The following ELAPOR2 variants were observed in gnomAD, a reference collection of about 807,000 sequenced individuals.
ELAPOR2 encodes endosome-lysosome associated apoptosis and autophagy regulator family member 2, also known as endosome/lysosome-associated apoptosis and autophagy regulator family member 2.
A neutral mutation model predicts 120.7 loss-of-function variants in ELAPOR2; 89 were observed. That is an observed-to-expected ratio of 0.74 (90% CI 0.62 to 0.88). The LOEUF (loss-of-function observed/expected upper bound fraction) is 0.88, where lower values mean the gene tolerates loss of function less well. Among genes scored for constraint, ELAPOR2 ranks in the 40% least tolerant of loss-of-function variants. ELAPOR2 has a pLI of 0.00. For missense variants in ELAPOR2, 1,134 were observed against 1,251.6 expected, an observed-to-expected ratio of 0.91 and a Z score of 1.42; for synonymous variants, 444 against 444.9, an observed-to-expected ratio of 1.00 and a Z score of 0.03.
At chr7:86,965,441 T>C (rs1294032818) in intron 1 of ELAPOR2, among the ~76,000 whole-genome samples, 1 of 152,190 alleles carries the variant, frequency 6.6e-6, no homozygotes, top group African/African-American at 2.4e-5. Flanking sequence ...CTACTTCCAT[T>C]GACCTAATTC....
chr7:87,021,948 T>A (rs1229484024), intron 1 of ELAPOR2, among the ~76,000 whole-genome samples: 1 of 152,198 alleles, frequency 6.6e-6, no homozygotes, highest in African/African-American at 2.4e-5. Flanking sequence ...CAGAGTGTGA[T>A]ATATCTCTAT....
intron 1 of ELAPOR2, among the ~76,000 whole-genome samples, chr7:86,979,643 A>T (rs1394868040): frequency 6.6e-6 from 1 of 152,240 alleles, no homozygotes; most frequent in African/African-American, 2.4e-5. Flanking sequence ...TGTGGAGAGA[A>T]TGCAAGACAG....
chr7:87,058,146 G>T (rs1795318770), intron 1 of ELAPOR2, among the ~76,000 whole-genome samples: 1 of 152,170 alleles, frequency 6.6e-6, no homozygotes, highest in African/African-American at 2.4e-5. Flanking sequence ...ATTTCAGTCT[G>T]TCCTGGGACC....
intron 1 of ELAPOR2, among the ~76,000 whole-genome samples, chr7:87,034,926 T>C (rs553287134): frequency 6.6e-6 from 1 of 152,046 alleles, no homozygotes; most frequent in South Asian, 2.1e-4. Flanking sequence ...CTACTAAAAA[T>C]ACAAAATTAG....
chr7:86,938,043 T>A (rs1385612840), intron 8 of ELAPOR2, 83 bp downstream of exon 8: 1 of 1,016,974 alleles, frequency 9.8e-7, no homozygotes, highest in African/African-American at 1.6e-5. Flanking sequence ...CATAAATATC[T>A]CTCACGAACA....
chr7:86,993,039 C>T (rs1792997631), intron 1 of ELAPOR2, among the ~76,000 whole-genome samples: 1 of 151,680 alleles, frequency 6.6e-6, no homozygotes, highest in South Asian at 2.1e-4. Context: ...AGATCAAGAC[C>T]ATCCTGGTCA....
intron 1 of ELAPOR2, among the ~76,000 whole-genome samples, chr7:87,003,367 G>A (rs1793377444): frequency 6.6e-6 from 1 of 152,076 alleles, no homozygotes; most frequent in Non-Finnish European, 1.5e-5. Flanking sequence ...ATGTTGAATT[G>A]TAATCCCCAG....
intron 1 of ELAPOR2, among the ~76,000 whole-genome samples, chr7:87,036,172 A>T (rs1044695091): frequency 6.6e-6 from 1 of 152,178 alleles, no homozygotes; most frequent in Non-Finnish European, 1.5e-5. Context: ...ATGATATGAC[A>T]ATTCAAATGT....
chr7:86,885,201 C>G (rs917100934), intron 21 of ELAPOR2, among the ~76,000 whole-genome samples: 3 of 152,140 alleles, frequency 2.0e-5, no homozygotes, highest in Non-Finnish European at 4.4e-5. Context: ...AAGATAGATT[C>G]TTTAAACATG....
At chr7:87,046,151 T>C (rs574072498) in intron 1 of ELAPOR2, among the ~76,000 whole-genome samples, 2 of 152,316 alleles carry the variant, frequency 1.3e-5, no homozygotes, top group African/African-American at 4.8e-5. Flanking sequence ...GGCATTTCTA[T>C]ATGTCAACAG....
intron 1 of ELAPOR2, among the ~76,000 whole-genome samples, chr7:87,004,330 G>A (rs1793406790): frequency 6.6e-6 from 1 of 152,172 alleles, no homozygotes; most frequent in East Asian, 1.9e-4. Flanking sequence ...GCAGAGAACA[G>A]GGTTGGCCTC....
chr7:86,912,662 G>C (rs1175808343), intron 14 of ELAPOR2, among the ~76,000 whole-genome samples: 1 of 152,110 alleles, frequency 6.6e-6, no homozygotes, highest in Non-Finnish European at 1.5e-5. Flanking sequence ...TTTATTTGCT[G>C]TACCTAAACA....
Position 86,947,770 on chromosome 7 carries a change from T to C in ELAPOR2, c.463A>G (p.Thr155Ala). 1.3e-6 allele frequency: 2 copies of C among 1,551,736 alleles called. No individual in the cohort carries two copies. Among genetic ancestry groups the C allele is most frequent in the Non-Finnish European group, 1.7e-6 (2 of 1,146,984 alleles). Residue 155 changes from threonine to alanine, a missense_variant, in exon 3 of 22, where the codon ACT becomes GCT. This residue lies in a region of ELAPOR2 where 280 missense variants were observed against 331.5 expected (regional missense o/e 0.84). Coordinates refer to ENST00000450689, the MANE Select transcript of ELAPOR2 (RefSeq NM_001142749.3). ...GFSNIATFMD[T>A]VVGPSDSRPD... is the part of the protein sequence containing the mutation. The stretch of plus-strand genomic sequence containing the variant: ...CTGCTGTCAGAAGGGCCCACCACAG[T>C]GTCCATGAATGTTGCGATGTTAGAA...
intron 10 of ELAPOR2, among the ~76,000 whole-genome samples, chr7:86,924,340 T>C (rs1045954057): frequency 6.6e-6 from 1 of 150,902 alleles, no homozygotes; most frequent in Non-Finnish European, 1.5e-5. Context: ...TAAGATCCAA[T>C]TAAAGTTTCA....
intron 1 of ELAPOR2, among the ~76,000 whole-genome samples, chr7:87,051,235 C>G (rs2129017776): frequency 6.6e-6 from 1 of 151,618 alleles, no homozygotes; most frequent in Non-Finnish European, 1.5e-5. Context: ...CTGGCAAAAA[C>G]TGAGAGAGAT....
At chr7:87,010,916 A>C (rs1793634282) in intron 1 of ELAPOR2, among the ~76,000 whole-genome samples, 1 of 152,180 alleles carries the variant, frequency 6.6e-6, no homozygotes, top group South Asian at 2.1e-4. Context: ...TTTTAAAATA[A>C]AGGCTTTGGA....
At chr7:86,942,140 T>C in intron 4 of ELAPOR2, 36 bp from the exon 5 acceptor site, 2 of 1,213,720 alleles carry the variant, frequency 1.6e-6, no homozygotes, top group East Asian at 5.1e-5. Flanking sequence ...GTAAAGTGTC[T>C]TGAATAACAG....
chr7:86,923,327 T>C (rs1017761757), intron 10 of ELAPOR2, among the ~76,000 whole-genome samples: 1 of 151,952 alleles, frequency 6.6e-6, no homozygotes, highest in Non-Finnish European at 1.5e-5. Context: ...GAGATGATAA[T>C]ATCCCATTAC....
At chr7:86,984,498 G>C (rs1307818335) in intron 1 of ELAPOR2, among the ~76,000 whole-genome samples, 1 of 152,188 alleles carries the variant, frequency 6.6e-6, no homozygotes, top group African/African-American at 2.4e-5. Flanking sequence ...CCAGACCACA[G>C]TGCAAACAAA....
Sources: gnomAD v4.1 joint callset for allele counts (sites outside exome capture counted in the v4.1 genomes callset) on GRCh38, gnomAD v4.1.1 for gene constraint, gnomAD v4.1.1 regional missense constraint, MANE v1.5 for transcripts, NCBI Gene and HGNC (gene_info 2026-07-23, HGNC 2026-07-21) for gene names.